The following DENND1A variants were observed in gnomAD, a reference collection of about 807,000 sequenced individuals.
DENND1A encodes DENN domain-containing protein 1A.
DENND1A carries 51 observed loss-of-function variants against 113.7 expected under a neutral mutation model. That is an observed-to-expected ratio of 0.45 (90% CI 0.36 to 0.57). The LOEUF (loss-of-function observed/expected upper bound fraction) is 0.57. DENND1A is among the 20% of genes least tolerant of loss of function. The pLI is 0.00. For synonymous variants in DENND1A, 565 were observed against 570.8 expected (o/e 0.99, Z 0.14); for missense variants, 1,258 against 1,395.9 (o/e 0.90, Z 1.57).
intron 8 of DENND1A, among the ~76,000 whole-genome samples, chr9:123,656,225 G>C (rs1589540924): frequency 6.6e-6 from 1 of 152,112 alleles, no homozygotes; most frequent in African/African-American, 2.4e-5. Context: ...CGCACACGCA[G>C]GGAAGAGAGT....
chr9:123,685,926 G>A (rs1291226656), intron 5 of DENND1A, among the ~76,000 whole-genome samples: 1 of 151,764 alleles, frequency 6.6e-6, no homozygotes, highest in South Asian at 2.1e-4. Flanking sequence ...AATGTAATGG[G>A]TTAGTGAGGT....
chr9:123,724,564 G>A (rs753614331), intron 5 of DENND1A, among the ~76,000 whole-genome samples: 2 of 151,980 alleles, frequency 1.3e-5, no homozygotes, highest in Non-Finnish European at 2.9e-5. Flanking sequence ...AGAAAAGCTT[G>A]GTTGATTTAA....
chr9:123,763,698 A>C (rs1455268035), intron 4 of DENND1A, among the ~76,000 whole-genome samples: 1 of 152,150 alleles, frequency 6.6e-6, no homozygotes, highest in Non-Finnish European at 1.5e-5. Context: ...AGATGGGTGG[A>C]GAAGAGACCA....
At chr9:123,843,012 G>C in intron 2 of DENND1A, 1 of 456,122 alleles carries the variant, frequency 2.2e-6, no homozygotes, top group Non-Finnish European at 4.4e-6. Flanking sequence ...CCAAGCGAGA[G>C]AGATAGCCAC....
chr9:123,918,207 G>A (rs669133), intron 1 of DENND1A, among the ~76,000 whole-genome samples: 44,051 of 150,752 alleles, frequency 0.29, 10,314 homozygotes, highest in African/African-American at 0.65. Context: ...CCACTGGACA[G>A]GCCGGGCGTG....
intron 5 of DENND1A, among the ~76,000 whole-genome samples, chr9:123,708,717 T>C (rs1360711922): frequency 6.6e-6 from 1 of 151,876 alleles, no homozygotes; most frequent in African/African-American, 2.4e-5. Context: ...GCAGGGGGAG[T>C]AGGATGAGCA....
chr9:123,491,119 C>A (rs1170551352), intron 13 of DENND1A, among the ~76,000 whole-genome samples: 2 of 152,180 alleles, frequency 1.3e-5, no homozygotes, highest in African/African-American at 4.8e-5. Context: ...CAGCAATGAT[C>A]CGGTGTTATG....
intron 13 of DENND1A, among the ~76,000 whole-genome samples, chr9:123,469,398 G>A (rs148950991): frequency 1.3e-5 from 2 of 152,352 alleles, no homozygotes; most frequent in African/African-American, 2.4e-5. Flanking sequence ...CTGGCCGGCC[G>A]CTCTGGTATT....
intron 4 of DENND1A, among the ~76,000 whole-genome samples, chr9:123,762,577 T>C (rs999693758): frequency 1.3e-5 from 2 of 152,252 alleles, no homozygotes; most frequent in South Asian, 2.1e-4. Flanking sequence ...ATTTTGCAAA[T>C]TGAGCTACAA....
At chr9:123,890,330 A>G (rs1327323166) in intron 1 of DENND1A, among the ~76,000 whole-genome samples, 2 of 152,210 alleles carry the variant, frequency 1.3e-5, no homozygotes, top group East Asian at 3.8e-4. Context: ...GAAAAGCTTC[A>G]CCATCTCCCC....
chr9:123,785,305 T>C (rs757007470), intron 3 of DENND1A, among the ~76,000 whole-genome samples: 11 of 152,074 alleles, frequency 7.2e-5, no homozygotes, highest in African/African-American at 1.2e-4. Flanking sequence ...TGAGCTATGA[T>C]TGCACCACTG....
chr9:123,548,800 A>C (rs2056867975), intron 13 of DENND1A, among the ~76,000 whole-genome samples: 1 of 152,260 alleles, frequency 6.6e-6, no homozygotes, highest in Non-Finnish European at 1.5e-5. Context: ...TGCTACCAAA[A>C]TAAGCCAGGC....
At chr9:123,909,326 T>C (rs1853509245) in intron 1 of DENND1A, among the ~76,000 whole-genome samples, 1 of 148,850 alleles carries the variant, frequency 6.7e-6, no homozygotes, top group Admixed American at 6.7e-5. Context: ...TGTGCACATG[T>C]ACCCTAAAAC....
At chr9:123,853,181 G>A (rs1174478907) in intron 2 of DENND1A, among the ~76,000 whole-genome samples, 1 of 151,236 alleles carries the variant, frequency 6.6e-6, no homozygotes, top group Non-Finnish European at 1.5e-5. Flanking sequence ...GCCTCCCAAA[G>A]TGCTGGGATT....
At chr9:123,699,291 G>T (rs544953546) in intron 5 of DENND1A, among the ~76,000 whole-genome samples, 10 of 152,252 alleles carry the variant, frequency 6.6e-5, no homozygotes, top group Non-Finnish European at 1.3e-4. Context: ...ATGTCCTTCA[G>T]ATGGAAAGCT....
chr9:123,655,788 G>C (rs949682652), intron 8 of DENND1A, among the ~76,000 whole-genome samples: 4 of 152,184 alleles, frequency 2.6e-5, no homozygotes. Context: ...AGCTTCTGCT[G>C]ATAAAAGACA....
chr9:123,544,288 A>G (rs1445091001), intron 13 of DENND1A, among the ~76,000 whole-genome samples: 1 of 152,224 alleles, frequency 6.6e-6, no homozygotes, highest in East Asian at 1.9e-4. Flanking sequence ...TAAACAACAA[A>G]ATATTAGCCA....
chr9:123,754,066 G>A lies in DENND1A; in HGVS notation c.302+3637C>T, dbSNP rs564778109. ...GAGCTACATCCCTTGAGAAGAAATG[G>A]AAAGCAAAAGTAGAGGTAGTTTATG... On this transcript the variant is annotated intron_variant, in intron 5 of 23. Transcript: ENST00000394215. Among the ~76,000 whole-genome samples the A allele has an allele frequency of 2.0e-5, 3 of 152,348 alleles. No individual in the cohort carries two copies. The East Asian group carries it at 5.8e-4, about 29-fold the overall frequency.
At chr9:123,773,336 T>A (rs1248480337) in intron 3 of DENND1A, among the ~76,000 whole-genome samples, 1 of 152,180 alleles carries the variant, frequency 6.6e-6, no homozygotes, top group African/African-American at 2.4e-5. Context: ...AATTCAGAAA[T>A]GAACTCAAGA....
Sources: allele counts gnomAD v4.1 joint callset (sites outside exome capture counted in the v4.1 genomes callset), GRCh38; gene constraint gnomAD v4.1.1; transcripts MANE v1.5; gene names NCBI Gene and HGNC (gene_info 2026-07-23, HGNC 2026-07-21).